CSMD1: variants seen among roughly 807,000 people sequenced by gnomAD.
CSMD1 encodes CUB and sushi domain-containing protein 1.
A neutral mutation model predicts 417.5 loss-of-function variants in CSMD1; 213 were observed. The observed-to-expected ratio is 0.51, with a 90% confidence interval of 0.46 to 0.57. The LOEUF (loss-of-function observed/expected upper bound fraction) is 0.57, where lower values mean the gene tolerates loss of function less well. CSMD1 is among the 20% of genes least tolerant of loss of function. The probability of loss-of-function intolerance (pLI) is 0.00; values close to 1 mark genes in which losing one functional copy is unlikely to be tolerated. For synonymous variants in CSMD1, 2,862 were observed against 1,736.8 expected, an observed-to-expected ratio of 1.65 and a Z score of -16.11; for missense variants, 6,923 against 4,529.7, an observed-to-expected ratio of 1.53 and a Z score of -15.17.
intron 5 of CSMD1, among the ~76,000 whole-genome samples, chr8:3,831,107 G>A (rs76786393): frequency 0.011 from 1,664 of 152,178 alleles, 40 homozygotes; most frequent in African/African-American, 0.038. Flanking sequence ...ATACCATTCA[G>A]AATTAAATGT....
chr8:3,899,689 A>G (rs923238330), intron 5 of CSMD1, among the ~76,000 whole-genome samples: 2 of 152,190 alleles, frequency 1.3e-5, no homozygotes, highest in Admixed American at 1.3e-4. Context: ...TCTGGGCTAA[A>G]TATGACAAAT....
intron 5 of CSMD1, among the ~76,000 whole-genome samples, chr8:3,808,082 G>C (rs1228899494): frequency 2.0e-5 from 3 of 152,068 alleles, no homozygotes; most frequent in Non-Finnish European, 4.4e-5. Context: ...AAAATGGTTT[G>C]ATTATAGAAG....
At chr8:4,704,623 T>C (rs1807802589) in intron 1 of CSMD1, among the ~76,000 whole-genome samples, 1 of 152,254 alleles carries the variant, frequency 6.6e-6, no homozygotes, top group African/African-American at 2.4e-5. Context: ...TTCTGTACAT[T>C]TCTTCTTTTA....
At chr8:3,442,073 TAA>T (rs919532932) in intron 12 of CSMD1, among the ~76,000 whole-genome samples, 1 of 140,536 alleles carries the variant, frequency 7.1e-6, no homozygotes, top group Admixed American at 7.1e-5. Flanking sequence ...TTTTAAAAAG[TAA>T]AAAAAAAAAT....
chr8:3,781,909 G>C (rs572628032), intron 5 of CSMD1, among the ~76,000 whole-genome samples: 1 of 151,852 alleles, frequency 6.6e-6, no homozygotes, highest in Non-Finnish European at 1.5e-5. Flanking sequence ...AATTTTGGTA[G>C]ACCCATTTAA....
At chr8:3,951,353 G>A (rs1202058358) in intron 5 of CSMD1, among the ~76,000 whole-genome samples, 1 of 152,142 alleles carries the variant, frequency 6.6e-6, no homozygotes, top group East Asian at 1.9e-4. Flanking sequence ...AACGGAGCAG[G>A]AATTCAAGAA....
At chr8:4,981,190 G>T (rs138831034) in intron 1 of CSMD1, among the ~76,000 whole-genome samples, 1 of 152,056 alleles carries the variant, frequency 6.6e-6, no homozygotes, top group African/African-American at 2.4e-5. Flanking sequence ...GCTTTACCAT[G>T]GAAACACATT....
intron 42 of CSMD1, 66 bp downstream of exon 42, chr8:3,118,333 T>C: frequency 2.7e-6 from 3 of 1,103,220 alleles, no homozygotes; most frequent in Non-Finnish European, 3.9e-6. Flanking sequence ...TATGTTCATT[T>C]AATATTTAAT....
At chr8:4,195,413 A>G (rs568199782) in intron 3 of CSMD1, among the ~76,000 whole-genome samples, 1 of 152,288 alleles carries the variant, frequency 6.6e-6, no homozygotes, top group South Asian at 2.1e-4. Context: ...TGACCCACCG[A>G]TGCAAGACTG....
intron 12 of CSMD1, among the ~76,000 whole-genome samples, chr8:3,441,164 C>G (rs1814958266): frequency 6.6e-6 from 1 of 152,028 alleles, no homozygotes. Flanking sequence ...ACACTGTAAG[C>G]TGTAAAAGGC....
At chr8:3,235,197 T>C (rs1243927246) in intron 26 of CSMD1, among the ~76,000 whole-genome samples, 1 of 152,174 alleles carries the variant, frequency 6.6e-6, no homozygotes, top group Non-Finnish European at 1.5e-5. Context: ...TATATAATAG[T>C]ACAAGAATTT....
chr8:3,887,891 T>C (rs1806672000), intron 5 of CSMD1, among the ~76,000 whole-genome samples: 1 of 152,174 alleles, frequency 6.6e-6, no homozygotes, highest in East Asian at 1.9e-4. Context: ...GTGAACAAAA[T>C]AATGAAAACT....
intron 3 of CSMD1, among the ~76,000 whole-genome samples, chr8:4,372,056 C>T (rs376665902): frequency 7.9e-5 from 12 of 152,202 alleles, no homozygotes; most frequent in African/African-American, 2.9e-4. Flanking sequence ...CTGGGGTGAA[C>T]ATGGCAGTAG....
At chr8:4,731,947 C>A (rs1809901047) in intron 1 of CSMD1, among the ~76,000 whole-genome samples, 2 of 152,124 alleles carry the variant, frequency 1.3e-5, no homozygotes, top group African/African-American at 4.8e-5. Flanking sequence ...AGAACGATCA[C>A]AACAGCAGCA....
intron 3 of CSMD1, among the ~76,000 whole-genome samples, chr8:4,059,360 C>A (rs1345198535): frequency 1.3e-5 from 2 of 152,056 alleles, no homozygotes; most frequent in Non-Finnish European, 2.9e-5. Context: ...AAAATGGACA[C>A]CCTAACATCA....
At chr8:3,099,416 G>A (rs561701018) in intron 46 of CSMD1, among the ~76,000 whole-genome samples, 50 of 152,242 alleles carry the variant, frequency 3.3e-4, no homozygotes, top group African/African-American at 1.1e-3. Context: ...GGAGCAGATG[G>A]CAGGTTCAAT....
At chr8:4,755,044 A>C (rs1303689089) in intron 1 of CSMD1, among the ~76,000 whole-genome samples, 2 of 152,136 alleles carry the variant, frequency 1.3e-5, no homozygotes, top group Non-Finnish European at 2.9e-5. Flanking sequence ...AGGCTGAGGC[A>C]GAAGAATTGC....
intron 26 of CSMD1, among the ~76,000 whole-genome samples, chr8:3,247,091 G>C (rs1799930565): frequency 6.6e-6 from 1 of 152,106 alleles, no homozygotes; most frequent in South Asian, 2.1e-4. Flanking sequence ...GCACAAATAT[G>C]GTGAGAAGCT....
intron 3 of CSMD1, among the ~76,000 whole-genome samples, chr8:4,327,823 A>T (rs1340303970): frequency 6.6e-6 from 1 of 152,208 alleles, no homozygotes; most frequent in African/African-American, 2.4e-5. Context: ...TGTAAGTATA[A>T]AGTAAGGTAC....
Sources: gnomAD v4.1 joint callset for allele counts (sites outside exome capture counted in the v4.1 genomes callset) on GRCh38, gnomAD v4.1.1 for gene constraint, MANE v1.5 for transcripts, NCBI Gene and HGNC (gene_info 2026-07-23, HGNC 2026-07-21) for gene names.